Variants in ARHGAP26 observed in about 807,000 individuals in gnomAD.
ARHGAP26 encodes the protein rho GTPase-activating protein 26.
A neutral mutation model predicts 104.8 loss-of-function variants in ARHGAP26; 38 were observed. The ratio of observed to expected loss-of-function variants is 0.36; its 90% CI spans 0.28 to 0.48. ARHGAP26 has a LOEUF of 0.48. Ranked by LOEUF, ARHGAP26 falls within the 20% of genes least tolerant of loss-of-function variation. The probability of loss-of-function intolerance (pLI) is 0.99; values close to 1 mark genes in which losing one functional copy is unlikely to be tolerated. For missense variants in ARHGAP26, 704 were observed against 947.9 expected, an observed-to-expected ratio of 0.74 and a Z score of 3.38; for synonymous variants, 341 against 340.0, an observed-to-expected ratio of 1.00 and a Z score of -0.03.
At chr5:142,833,006 A>C (rs1768803842) in intron 1 of ARHGAP26, among the ~76,000 whole-genome samples, 1 of 152,140 alleles carries the variant, frequency 6.6e-6, no homozygotes, top group East Asian at 1.9e-4. Flanking sequence ...AAAATTTGTA[A>C]AGCAGTAGGA....
intron 11 of ARHGAP26, among the ~76,000 whole-genome samples, chr5:142,935,856 T>C (rs1226474590): frequency 6.6e-6 from 1 of 152,082 alleles, no homozygotes; most frequent in Non-Finnish European, 1.5e-5. Flanking sequence ...TCTTTGAAAC[T>C]TGGCCAAGGG....
chr5:142,840,054 C>G (rs1313011991), intron 1 of ARHGAP26, among the ~76,000 whole-genome samples: 1 of 152,158 alleles, frequency 6.6e-6, no homozygotes, highest in Non-Finnish European at 1.5e-5. Context: ...GTGCCTGTGT[C>G]TCATTAGTCA....
intron 4 of ARHGAP26, among the ~76,000 whole-genome samples, chr5:142,883,464 T>C (rs1475263942): frequency 1.3e-5 from 2 of 152,266 alleles, no homozygotes; most frequent in Non-Finnish European, 2.9e-5. Context: ...TAATTGTTCT[T>C]GTATGTGAAC....
At chr5:143,009,631 A>G (rs908935444) in intron 11 of ARHGAP26, among the ~76,000 whole-genome samples, 27 of 152,230 alleles carry the variant, frequency 1.8e-4, no homozygotes, top group Admixed American at 1.8e-3. Flanking sequence ...TGATTCTTAG[A>G]TGGACCGTGA....
intron 1 of ARHGAP26, among the ~76,000 whole-genome samples, chr5:142,797,531 T>A (rs975722993): frequency 6.6e-5 from 10 of 152,198 alleles, no homozygotes; most frequent in African/African-American, 2.4e-4. Flanking sequence ...ACAGGGTGAT[T>A]TTTTGTATCA....
intron 1 of ARHGAP26, among the ~76,000 whole-genome samples, chr5:142,823,084 G>A (rs1766511456): frequency 1.3e-5 from 2 of 152,194 alleles, no homozygotes; most frequent in South Asian, 4.1e-4. Flanking sequence ...AGGGCAAGGG[G>A]CATCACTATT....
chr5:142,925,509 T>C (rs2152516289), intron 10 of ARHGAP26, among the ~76,000 whole-genome samples: 1 of 152,340 alleles, frequency 6.6e-6, no homozygotes, highest in East Asian at 1.9e-4. Context: ...CTATGTGGCT[T>C]TGGCCATATC....
intron 5 of ARHGAP26, among the ~76,000 whole-genome samples, chr5:142,889,643 A>T (rs1358320682): frequency 2.0e-5 from 3 of 152,082 alleles, no homozygotes; most frequent in Non-Finnish European, 4.4e-5. Flanking sequence ...AAGAGTTTAA[A>T]TTGGGAGATG....
At chr5:142,884,148 T>A (rs1372190920) in intron 4 of ARHGAP26, among the ~76,000 whole-genome samples, 1 of 152,230 alleles carries the variant, frequency 6.6e-6, no homozygotes, top group Non-Finnish European at 1.5e-5. Context: ...CCAACCTTCT[T>A]CCAGCTTCCT....
intron 8 of ARHGAP26, among the ~76,000 whole-genome samples, chr5:142,907,085 G>C (rs1231725203): frequency 6.6e-6 from 1 of 152,126 alleles, no homozygotes; most frequent in African/African-American, 2.4e-5. Flanking sequence ...AATCTTGAGG[G>C]ACATAGTCCT....
Position 143,228,490 on chromosome 5 carries a change from T to A in ARHGAP26, c.*6044T>A. On this transcript the variant is annotated 3_prime_UTR_variant, in exon 23 of 23. Transcript: ENST00000645722. Reference sequence around the variant, plus strand: ...ACAGCTACATTTTTTGTTAACTTACTTAAAGTCATGTCGCAAGAAAGATCA... The same window carrying A: ...ACAGCTACATTTTTTGTTAACTTACATAAAGTCATGTCGCAAGAAAGATCA... 4.5e-6 allele frequency: 1 copy of A among 220,444 alleles called. No individual in the cohort carries two copies. The highest frequency in any genetic ancestry group is 9.1e-6 in the Non-Finnish European group (1 of 109,828). The allele number at this position is 220,444 out of a possible 1,614,324, so 13.7% of individuals were successfully genotyped here. A position where few individuals can be genotyped will look rare whatever the true frequency, so the allele number is the denominator to read the frequency against.
intron 1 of ARHGAP26, among the ~76,000 whole-genome samples, chr5:142,780,330 A>C (rs1208724345): frequency 6.6e-6 from 1 of 152,248 alleles, no homozygotes; most frequent in East Asian, 1.9e-4. Flanking sequence ...CACCTCTGGC[A>C]TGAGGCACAT....
At chr5:142,788,359 C>G (rs1476313866) in intron 1 of ARHGAP26, among the ~76,000 whole-genome samples, 1 of 152,070 alleles carries the variant, frequency 6.6e-6, no homozygotes, top group Non-Finnish European at 1.5e-5. Context: ...CGACTCCCAC[C>G]CCATTTTTTT....
chr5:142,924,111 C>T (rs1267515922), intron 10 of ARHGAP26, among the ~76,000 whole-genome samples: 1 of 152,124 alleles, frequency 6.6e-6, no homozygotes, highest in Admixed American at 6.6e-5. Flanking sequence ...ATCCACCCGC[C>T]TCGGCATCCC....
At chr5:142,845,762 A>G (rs987587321) in intron 1 of ARHGAP26, among the ~76,000 whole-genome samples, 1 of 152,078 alleles carries the variant, frequency 6.6e-6, no homozygotes, top group Non-Finnish European at 1.5e-5. Flanking sequence ...CCTCACCATG[A>G]TGGCTTCAGG....
intron 20 of ARHGAP26, among the ~76,000 whole-genome samples, chr5:143,164,534 T>C (rs951410734): frequency 6.6e-6 from 1 of 152,246 alleles, no homozygotes; most frequent in Non-Finnish European, 1.5e-5. Context: ...TTTTGCTGTA[T>C]TTTTCTTTGC....
At chr5:142,834,108 A>G (rs1769072923) in intron 1 of ARHGAP26, among the ~76,000 whole-genome samples, 1 of 152,230 alleles carries the variant, frequency 6.6e-6, no homozygotes, top group South Asian at 2.1e-4. Flanking sequence ...CCTTAGCCAC[A>G]TACCCCTATT....
chr5:142,914,547 T>C (rs985381697), intron 10 of ARHGAP26, among the ~76,000 whole-genome samples: 1 of 152,224 alleles, frequency 6.6e-6, no homozygotes, highest in African/African-American at 2.4e-5. Flanking sequence ...TAATAAGTGC[T>C]CAACAAGTAT....
chr5:143,213,985 G>C lies in ARHGAP26; in HGVS notation c.2100-12G>C. ...TTTCAAAAATGTTAAATAAACTCCTGTTTTCACACAGCACACCGTTCCGGA... is the reference window on the plus strand; with the variant it reads ...TTTCAAAAATGTTAAATAAACTCCTCTTTTCACACAGCACACCGTTCCGGA... On this transcript the variant is annotated splice_polypyrimidine_tract_variant and intron_variant, in intron 21 of 22. Coordinates refer to ENST00000645722, the MANE Select transcript of ARHGAP26 (RefSeq NM_001135608.3). 1.9e-6 allele frequency: 3 copies of C among 1,561,772 alleles called. No individual in the cohort carries two copies. The highest frequency in any genetic ancestry group is 2.6e-6 in the Non-Finnish European group (3 of 1,140,294).
Sources: gnomAD v4.1 joint callset for allele counts (sites outside exome capture counted in the v4.1 genomes callset) on GRCh38, gnomAD v4.1.1 for gene constraint, MANE v1.5 for transcripts, NCBI Gene and HGNC (gene_info 2026-07-23, HGNC 2026-07-21) for gene names.